SPTBN1: variants seen among roughly 807,000 people sequenced by gnomAD.
SPTBN1 encodes spectrin beta chain, non-erythrocytic 1.
In SPTBN1, 32 loss-of-function variants were observed where a neutral mutation model predicts 266.4. That is an observed-to-expected ratio of 0.12 (90% confidence interval 0.09 to 0.16). SPTBN1 has a LOEUF of 0.16. SPTBN1 is among the 10% of genes least tolerant of loss of function. The pLI is 1.00. For synonymous variants in SPTBN1, 1,336 were observed against 1,162.2 expected (o/e 1.15, Z -3.04); for missense variants, 2,296 against 3,067.1 (o/e 0.75, Z 5.94).
chr2:54,466,517 G>C (rs1693639245), intron 1 of SPTBN1, among the ~76,000 whole-genome samples: 1 of 23,620 alleles, frequency 4.2e-5, no homozygotes, highest in South Asian at 1.2e-3. Context: ...AGCCGAGATC[G>C]CGCCACTGCA....
intron 1 of SPTBN1, among the ~76,000 whole-genome samples, chr2:54,479,030 A>G (rs1048260370): frequency 4.7e-4 from 71 of 152,306 alleles, no homozygotes; most frequent in Non-Finnish European, 8.4e-4. Flanking sequence ...CAAACAACTG[A>G]GTGTCCTGGC....
At chr2:54,635,496 G>A (rs1679058876) in intron 17 of SPTBN1, among the ~76,000 whole-genome samples, 1 of 152,222 alleles carries the variant, frequency 6.6e-6, no homozygotes, top group Non-Finnish European at 1.5e-5. Flanking sequence ...TAGGAGAAAG[G>A]CTGCCTGGGC....
chr2:54,597,177 T>C (rs970049182), intron 2 of SPTBN1, among the ~76,000 whole-genome samples: 13 of 152,338 alleles, frequency 8.5e-5, no homozygotes, highest in East Asian at 7.7e-4. Flanking sequence ...TAAATACATA[T>C]AAACTATGAG....
chr2:54,495,895 T>G (rs746229570), intron 1 of SPTBN1, among the ~76,000 whole-genome samples: 10 of 152,180 alleles, frequency 6.6e-5, no homozygotes, highest in Non-Finnish European at 1.2e-4. Context: ...AGAATATAGT[T>G]AATTTTTTTA....
intron 18 of SPTBN1, among the ~76,000 whole-genome samples, chr2:54,639,410 A>G (rs1234669260): frequency 2.6e-5 from 4 of 152,192 alleles, no homozygotes; most frequent in African/African-American, 9.7e-5. Flanking sequence ...AGGGGGTTCA[A>G]TGGGATCCCA....
chr2:54,558,905 G>C lies in SPTBN1; in HGVS notation c.148+32339G>C. ...GCTGCAAGGTAAGCCCCCTCCCAAAGGCCGGGCCTGTCCTGGGTGCCAACG... is the reference window on the plus strand; with the variant it reads ...GCTGCAAGGTAAGCCCCCTCCCAAACGCCGGGCCTGTCCTGGGTGCCAACG... On this transcript the variant is annotated intron_variant, in intron 2 of 35. Coordinates refer to ENST00000356805, the MANE Select transcript of SPTBN1 (RefSeq NM_003128.3). This position sits in a 1 kb window ranked among gnomAD's most constrained non-coding sequence, Gnocchi z 4.6. 6.2e-7 allele frequency: 1 copy of C among 1,611,406 alleles called. No individual in the cohort carries two copies. The highest frequency in any genetic ancestry group is 8.5e-7 in the Non-Finnish European group (1 of 1,178,492).
At chr2:54,638,699 C>G (rs1223151710) in intron 18 of SPTBN1, among the ~76,000 whole-genome samples, 1 of 152,214 alleles carries the variant, frequency 6.6e-6, no homozygotes, top group East Asian at 1.9e-4. Flanking sequence ...ACTCAGCCCT[C>G]TCTGGTTTAT....
intron 2 of SPTBN1, among the ~76,000 whole-genome samples, chr2:54,576,451 C>G (rs1328645409): frequency 2.0e-5 from 3 of 151,304 alleles, no homozygotes; most frequent in African/African-American, 7.3e-5. Context: ...CAGCTGTTGG[C>G]TCTGTTACTT....
intron 2 of SPTBN1, among the ~76,000 whole-genome samples, chr2:54,562,093 C>T (rs1264548064): frequency 2.6e-5 from 4 of 152,108 alleles, no homozygotes; most frequent in East Asian, 1.9e-4. Flanking sequence ...GTTCATGTAT[C>T]GTATAAAGTT....
At chr2:54,498,668 T>G (rs573988666) in intron 1 of SPTBN1, among the ~76,000 whole-genome samples, 1 of 152,334 alleles carries the variant, frequency 6.6e-6, no homozygotes, top group East Asian at 1.9e-4. Flanking sequence ...AAATTGAACC[T>G]AGATCCATAC....
At chr2:54,519,915 TAGG>T (rs1197681224) in intron 1 of SPTBN1, among the ~76,000 whole-genome samples, 1 of 151,996 alleles carries the variant, frequency 6.6e-6, no homozygotes, top group African/African-American at 2.4e-5. Flanking sequence ...CTGGGGCGGC[TAGG>T]AGAAGTGGGG....
chr2:54,587,396 C>T (rs143104344), intron 2 of SPTBN1, among the ~76,000 whole-genome samples: 90 of 152,246 alleles, frequency 5.9e-4, no homozygotes, highest in Non-Finnish European at 9.9e-4. Context: ...ACGGTTGGTG[C>T]GCTTTAAAAC....
At chr2:54,596,853 T>C (rs1265454143) in intron 2 of SPTBN1, among the ~76,000 whole-genome samples, 2 of 152,088 alleles carry the variant, frequency 1.3e-5, no homozygotes, top group Non-Finnish European at 2.9e-5. Flanking sequence ...AGGGTTGGGA[T>C]TGGGCTGTAA....
intron 2 of SPTBN1, chr2:54,529,265 C>T (rs1671043272): frequency 2.4e-6 from 1 of 416,574 alleles, no homozygotes; most frequent in Non-Finnish European, 4.6e-6. Flanking sequence ...TTCATCTGGA[C>T]CGAGCTAAAG....
intron 1 of SPTBN1, among the ~76,000 whole-genome samples, chr2:54,499,216 T>G (rs1669127176): frequency 6.6e-6 from 1 of 152,242 alleles, no homozygotes; most frequent in South Asian, 2.1e-4. Flanking sequence ...TAGTAGTTTT[T>G]TTGTATTTGT....
chr2:54,469,642 A>G (rs1239529169), intron 1 of SPTBN1, among the ~76,000 whole-genome samples: 2 of 152,212 alleles, frequency 1.3e-5, no homozygotes, highest in Non-Finnish European at 2.9e-5. Context: ...TGGGATGGCA[A>G]CAAGACCAGG....
At chr2:54,564,502 C>G (rs1010268099) in intron 2 of SPTBN1, among the ~76,000 whole-genome samples, 4 of 152,162 alleles carry the variant, frequency 2.6e-5, no homozygotes, top group Admixed American at 1.3e-4. Context: ...GAAGAGTGCT[C>G]CGTGCAAACA....
At chr2:54,619,931 G>A (rs954243965) in intron 7 of SPTBN1, among the ~76,000 whole-genome samples, 1 of 152,200 alleles carries the variant, frequency 6.6e-6, no homozygotes, top group Non-Finnish European at 1.5e-5. Flanking sequence ...GCTGTCAGGG[G>A]CGGCGATAGG....
rs1283344897 is a variant in SPTBN1, at chr2:54,531,960, C to G, written c.148+5394C>G. On this transcript the variant is annotated intron_variant, in intron 2 of 35. Transcript: ENST00000356805. ...ATGATAAGAAACCTCAAGTCTTCAG[C>G]TTGTAAAAATTTAAGACTTAGATGT... Among the ~76,000 whole-genome samples, 4 of 152,028 alleles carry G rather than the reference C, an allele frequency of 2.6e-5. No individual in the cohort carries two copies. The East Asian group carries it at 5.8e-4, about 22-fold the overall frequency.
Sources: allele counts gnomAD v4.1 joint callset (sites outside exome capture counted in the v4.1 genomes callset), GRCh38; gene constraint gnomAD v4.1.1; non-coding constraint Gnocchi (gnomAD v3.1); transcripts MANE v1.5; gene names NCBI Gene and HGNC (gene_info 2026-07-23, HGNC 2026-07-21).